Variants in PCDH9 observed in about 807,000 individuals in gnomAD.
The protein encoded by PCDH9 is protocadherin 9.
A neutral mutation model predicts 70.6 loss-of-function variants in PCDH9; 24 were observed. The ratio of observed to expected loss-of-function variants is 0.34; its 90% CI spans 0.25 to 0.48. The LOEUF is 0.48. Among genes scored for constraint, PCDH9 ranks in the 20% least tolerant of loss-of-function variants. The probability of loss-of-function intolerance (pLI) is 0.99; values close to 1 mark genes in which losing one functional copy is unlikely to be tolerated. For synonymous variants in PCDH9, 562 were observed against 558.5 expected (o/e 1.01, Z -0.09); for missense variants, 1,281 against 1,503.6 (o/e 0.85, Z 2.45).
chr13:67,124,300 G>A (rs1458101193), intron 2 of PCDH9, among the ~76,000 whole-genome samples: 1 of 152,064 alleles, frequency 6.6e-6, no homozygotes, highest in African/African-American at 2.4e-5. Context: ...TGCTCAGCTG[G>A]AAAAATTATT....
chr13:66,341,864 G>A (rs1233577232), intron 4 of PCDH9, among the ~76,000 whole-genome samples: 1 of 152,178 alleles, frequency 6.6e-6, no homozygotes, highest in Non-Finnish European at 1.5e-5. Flanking sequence ...CAAGGGAGAT[G>A]TAAATATGCA....
chr13:66,788,648 ATTTTTTTTT>A (rs58386697), intron 3 of PCDH9, among the ~76,000 whole-genome samples: 6 of 81,886 alleles, frequency 7.3e-5, no homozygotes, highest in African/African-American at 2.6e-4. Context: ...CTAAACAGTA[ATTTTTTTTT>A]TTTTTTTTTT....
At chr13:66,561,703 T>C (rs750255579) in intron 4 of PCDH9, among the ~76,000 whole-genome samples, 5 of 152,030 alleles carry the variant, frequency 3.3e-5, no homozygotes, top group African/African-American at 7.2e-5. Flanking sequence ...CTAGCTAATC[T>C]AGTGGGGACA....
intron 4 of PCDH9, among the ~76,000 whole-genome samples, chr13:66,571,212 C>G (rs1025860471): frequency 6.6e-6 from 1 of 152,018 alleles, no homozygotes; most frequent in East Asian, 1.9e-4. Context: ...AAATAGCACA[C>G]TCACATATTA....
chr13:67,154,594 AAAT>A (rs1306513128), intron 2 of PCDH9, among the ~76,000 whole-genome samples: 2 of 84,514 alleles, frequency 2.4e-5, no homozygotes, highest in African/African-American at 5.0e-5. Context: ...AAAAAAAAAA[AAAT>A]ATATATATAC....
At chr13:66,934,240 G>T (rs1413893222) in intron 2 of PCDH9, among the ~76,000 whole-genome samples, 2 of 151,980 alleles carry the variant, frequency 1.3e-5, no homozygotes, top group Non-Finnish European at 2.9e-5. Flanking sequence ...TAAGAAAAAT[G>T]CAAAAACTTG....
At chr13:66,719,400 C>T (rs2078912484) in intron 3 of PCDH9, among the ~76,000 whole-genome samples, 1 of 152,068 alleles carries the variant, frequency 6.6e-6, no homozygotes, top group Non-Finnish European at 1.5e-5. Flanking sequence ...TCTCTGCCCT[C>T]ATGAGTGAGA....
chr13:66,962,138 C>A (rs2083359470), intron 2 of PCDH9, among the ~76,000 whole-genome samples: 1 of 151,940 alleles, frequency 6.6e-6, no homozygotes, highest in Non-Finnish European at 1.5e-5. Flanking sequence ...CAAGCAATTT[C>A]TTAATAATTC....
Position 67,150,648 on chromosome 13 carries a change from T to A in PCDH9, c.3036+74757A>T, listed in dbSNP as rs549019602. On this transcript the variant is annotated intron_variant, in intron 2 of 4. Coordinates refer to ENST00000377865, the MANE Select transcript of PCDH9 (RefSeq NM_203487.3). ...TCCAAAACATGTGCCAATAATTATA[T>A]CCAGAAGTGAGAACAATAATTTCTA... Among the ~76,000 whole-genome samples, 4 of 152,324 alleles carry A rather than the reference T, an allele frequency of 2.6e-5. No individual in the cohort carries two copies. The South Asian group carries it at 8.3e-4, about 32-fold the overall frequency.
At chr13:67,176,873 C>A (rs900970429) in intron 2 of PCDH9, among the ~76,000 whole-genome samples, 7 of 151,974 alleles carry the variant, frequency 4.6e-5, no homozygotes, top group African/African-American at 1.7e-4. Flanking sequence ...TGCCTGTGAT[C>A]TTATTACAAA....
chr13:67,102,032 A>T (rs2086446132), intron 2 of PCDH9, among the ~76,000 whole-genome samples: 1 of 152,154 alleles, frequency 6.6e-6, no homozygotes, highest in South Asian at 2.1e-4. Flanking sequence ...AGGAGTTTTA[A>T]TAAGCCTCCT....
intron 3 of PCDH9, chr13:66,885,916 T>C (rs1305433243): frequency 6.6e-6 from 1 of 152,208 alleles, no homozygotes; most frequent in Non-Finnish European, 1.5e-5. Context: ...GCTAGATTTT[T>C]CCTCCGTGTT....
intron 4 of PCDH9, among the ~76,000 whole-genome samples, chr13:66,349,764 C>G (rs1340370073): frequency 6.6e-6 from 1 of 152,112 alleles, no homozygotes; most frequent in African/African-American, 2.4e-5. Context: ...ATGTCAGATA[C>G]CAGTTACGAG....
intron 2 of PCDH9, among the ~76,000 whole-genome samples, chr13:67,160,239 T>C (rs1389035254): frequency 6.6e-6 from 1 of 152,198 alleles, no homozygotes; most frequent in Non-Finnish European, 1.5e-5. Flanking sequence ...TTTTCATATT[T>C]CAGTTTTGAT....
chr13:67,053,404 A>G (rs2085358963), intron 2 of PCDH9, among the ~76,000 whole-genome samples: 1 of 152,228 alleles, frequency 6.6e-6, no homozygotes, highest in Non-Finnish European at 1.5e-5. Flanking sequence ...CATAGAATAA[A>G]GAAAATAAAG....
chr13:67,085,547 G>A (rs184040139), intron 2 of PCDH9, among the ~76,000 whole-genome samples: 3 of 152,172 alleles, frequency 2.0e-5, no homozygotes, highest in Admixed American at 1.3e-4. Flanking sequence ...TTGTCAATAC[G>A]CATTTCACAC....
At chr13:66,593,997 C>T (rs764481912) in intron 4 of PCDH9, among the ~76,000 whole-genome samples, 17 of 151,298 alleles carry the variant, frequency 1.1e-4, no homozygotes, top group Admixed American at 2.0e-4. Flanking sequence ...TTGGACAACA[C>T]GTGATATGGC....
Position 67,227,217 on chromosome 13 carries a change from T to G in PCDH9, c.1224A>C (p.Pro408=). ...KVICFIEREV[P]FHLKAVYDNQ... Reference sequence around the variant, plus strand: ...TGTCATATACCGCCTTCAAATGAAATGGGACCTCTCTTTCAATAAAACAGA... The same window carrying G: ...TGTCATATACCGCCTTCAAATGAAAGGGGACCTCTCTTTCAATAAAACAGA... The change falls in exon 2 of 5, where the codon CCA becomes CCC. Residue 408 remains proline (P), a synonymous_variant. Coordinates refer to ENST00000377865, the MANE Select transcript of PCDH9 (RefSeq NM_203487.3). This position sits in a 1 kb window ranked among gnomAD's most constrained non-coding sequence, Gnocchi z 4.6. The G allele has an allele frequency of 6.2e-7, 1 of 1,613,760 alleles. No homozygotes were observed. The highest frequency in any genetic ancestry group is 8.5e-7 in the Non-Finnish European group (1 of 1,179,626).
At chr13:67,064,468 A>G (rs2085602017) in intron 2 of PCDH9, among the ~76,000 whole-genome samples, 1 of 152,200 alleles carries the variant, frequency 6.6e-6, no homozygotes, top group South Asian at 2.1e-4. Flanking sequence ...AGGAATAACT[A>G]TTTTTAAAAA....
Sources: allele counts gnomAD v4.1 joint callset (sites outside exome capture counted in the v4.1 genomes callset), GRCh38; gene constraint gnomAD v4.1.1; non-coding constraint Gnocchi (gnomAD v3.1); transcripts MANE v1.5; gene names NCBI Gene and HGNC (gene_info 2026-07-23, HGNC 2026-07-21).